EPHA6: variants seen among roughly 807,000 people sequenced by gnomAD.
The protein encoded by EPHA6 is EPH receptor A6.
Under a neutral mutation model 112.0 loss-of-function variants are expected in EPHA6, and 50 were observed. The ratio of observed to expected loss-of-function variants is 0.45; its 90% CI spans 0.36 to 0.56. EPHA6 has a LOEUF of 0.56. Among genes scored for constraint, EPHA6 ranks in the 20% least tolerant of loss-of-function variants. The pLI, the probability that EPHA6 is intolerant of heterozygous loss-of-function variation, is 0.00. For missense variants in EPHA6, 1,280 were observed against 1,417.4 expected, an observed-to-expected ratio of 0.90 and a Z score of 1.56; for synonymous variants, 529 against 490.7, an observed-to-expected ratio of 1.08 and a Z score of -1.03.
intron 5 of EPHA6, among the ~76,000 whole-genome samples, chr3:97,377,311 T>A (rs1377721881): frequency 6.6e-6 from 1 of 152,170 alleles, no homozygotes. Flanking sequence ...CACCACCATA[T>A]AAGAAGTGCC....
intron 3 of EPHA6, among the ~76,000 whole-genome samples, chr3:97,214,256 C>T (rs1389414619): frequency 1.3e-5 from 2 of 152,012 alleles, no homozygotes; most frequent in Admixed American, 6.6e-5. Flanking sequence ...CCAGGCTGGT[C>T]TCAAACTCCA....
At chr3:97,569,643 A>G (rs2093311294) in intron 11 of EPHA6, among the ~76,000 whole-genome samples, 1 of 152,244 alleles carries the variant, frequency 6.6e-6, no homozygotes, top group African/African-American at 2.4e-5. Context: ...TGTAATTACT[A>G]TATACATTTT....
At chr3:97,541,727 GTTTTTT>G (rs59024112) in intron 11 of EPHA6, among the ~76,000 whole-genome samples, 2 of 131,922 alleles carry the variant, frequency 1.5e-5, no homozygotes, top group African/African-American at 5.2e-5. Context: ...TCTTTTTTTT[GTTTTTT>G]TTTTTTTGTT....
intron 6 of EPHA6, among the ~76,000 whole-genome samples, chr3:97,411,038 G>C (rs754358965): frequency 6.6e-6 from 1 of 151,524 alleles, no homozygotes; most frequent in Admixed American, 6.6e-5. Flanking sequence ...GTTTACAGTG[G>C]AATCAGCAAG....
intron 3 of EPHA6, among the ~76,000 whole-genome samples, chr3:97,143,577 T>A (rs986755411): frequency 2.6e-5 from 4 of 151,778 alleles, no homozygotes; most frequent in African/African-American, 7.2e-5. Flanking sequence ...GTGTTATGAA[T>A]GCTTATACAA....
At chr3:96,831,422 C>T (rs2034071708) in intron 1 of EPHA6, among the ~76,000 whole-genome samples, 1 of 151,998 alleles carries the variant, frequency 6.6e-6, no homozygotes, top group Non-Finnish European at 1.5e-5. Flanking sequence ...CCTGTCAAGT[C>T]TTAGTGTCTG....
At chr3:97,420,698 C>T (rs1469381097) in intron 6 of EPHA6, among the ~76,000 whole-genome samples, 1 of 151,900 alleles carries the variant, frequency 6.6e-6, no homozygotes, top group Non-Finnish European at 1.5e-5. Context: ...GAAGTGTGTT[C>T]CATAAGGCCA....
rs1440643040 is a variant in EPHA6, at chr3:97,749,812, GT to G, written c.*1115del. 6.6e-6 allele frequency among the ~76,000 whole-genome samples: 1 copy of G among 152,078 alleles called. No individual in the cohort carries two copies. The highest frequency in any genetic ancestry group is 1.9e-4 in the East Asian group (1 of 5,198). Reference sequence around the variant, plus strand: ...ATTTTGCAAGTTGAAGCGTTCTTATGTTTTCTTTGCAAAAATAGTTACATGA... The same window carrying G: ...ATTTTGCAAGTTGAAGCGTTCTTATGTTTCTTTGCAAAAATAGTTACATGA... On this transcript the variant is annotated 3_prime_UTR_variant, in exon 18 of 18. Coordinates refer to ENST00000389672, the MANE Select transcript of EPHA6 (RefSeq NM_001080448.3).
intron 7 of EPHA6, among the ~76,000 whole-genome samples, chr3:97,463,386 G>A (rs780881467): frequency 2.6e-5 from 4 of 152,082 alleles, no homozygotes; most frequent in Non-Finnish European, 5.9e-5. Flanking sequence ...AAGAGCATTT[G>A]AGGCAGTTTA....
intron 5 of EPHA6, among the ~76,000 whole-genome samples, chr3:97,337,400 C>T (rs1326989471): frequency 6.6e-6 from 1 of 152,140 alleles, no homozygotes; most frequent in Non-Finnish European, 1.5e-5. Context: ...TGGCCTGACC[C>T]ATTTACTAAG....
intron 14 of EPHA6, among the ~76,000 whole-genome samples, chr3:97,648,979 T>C (rs1190448850): frequency 1.3e-5 from 2 of 152,110 alleles, no homozygotes; most frequent in African/African-American, 2.4e-5. Context: ...TTACTTACAC[T>C]CAATTTTTCT....
In EPHA6 at chr3:96,931,018, A is replaced by AAAAAAAAAAAAAAG. The variant is rs796531853; in HGVS notation, c.451-56309_451-56308insAAAAAAAAAAGAAA. Among the ~76,000 whole-genome samples, 107 of 84,580 alleles carry AAAAAAAAAAAAAAG rather than the reference A, an allele frequency of 1.3e-3. 22 individuals carry two copies. The highest frequency in any genetic ancestry group is 3.0e-3 in the African/African-American group (72 of 23,678). The allele number at this position is 84,580 out of a possible 152,430, so 55.5% of individuals were successfully genotyped here. Reference sequence around the variant, plus strand: ...AAAAAAAAAAAAAAAAAAAAAAAAAAAAAGAAAAGCTTTCTGGCTGCTTTT... The same window carrying AAAAAAAAAAAAAAG: ...AAAAAAAAAAAAAAAAAAAAAAAAAAAAAAAAAAAAAAAGAAAGAAAAGCTTTCTGGCTGCTTTT... On this transcript the variant is annotated intron_variant, in intron 2 of 17. Transcript: ENST00000389672.
chr3:97,759,873 T>C lies in EPHA6; in HGVS notation c.*11172T>C, dbSNP rs1411499634. ...TACTAAATATTTTTGAGACATCTTA[T>C]TGGAAGACCCGAAACTTTGAATTCT... On this transcript the variant is annotated 3_prime_UTR_variant, in exon 18 of 18. Coordinates refer to ENST00000389672, the MANE Select transcript of EPHA6 (RefSeq NM_001080448.3). 4 of 206,028 alleles carry C rather than the reference T, an allele frequency of 1.9e-5. No homozygotes were observed. The highest frequency in any genetic ancestry group is 9.1e-5 in the African/African-American group (4 of 43,884). The allele number at this position is 206,028 out of a possible 1,614,324, so 12.8% of individuals were successfully genotyped here.
intron 5 of EPHA6, among the ~76,000 whole-genome samples, chr3:97,335,400 C>T (rs547021022): frequency 6.6e-6 from 1 of 152,258 alleles, no homozygotes; most frequent in South Asian, 2.1e-4. Context: ...ATAAATTAGA[C>T]AGTCTCAGGC....
At chr3:96,815,155 C>T in intron 1 of EPHA6, 147 bp downstream of exon 1, 1 of 731,032 alleles carries the variant, frequency 1.4e-6, no homozygotes, top group South Asian at 2.6e-5. Flanking sequence ...TGTCCCCTTA[C>T]CCTAGCGCCC....
chr3:96,949,414 AC>A (rs1240721953), intron 2 of EPHA6, among the ~76,000 whole-genome samples: 1 of 152,084 alleles, frequency 6.6e-6, no homozygotes, highest in Non-Finnish European at 1.5e-5. Context: ...ATGTTACCTA[AC>A]CACTCTATGC....
intron 3 of EPHA6, among the ~76,000 whole-genome samples, chr3:97,142,457 A>T (rs1339827447): frequency 1.3e-5 from 2 of 151,936 alleles, no homozygotes; most frequent in African/African-American, 4.8e-5. Flanking sequence ...AATAAGAGAG[A>T]TTTAAATAAG....
chr3:97,310,686 A>T (rs1234620840), intron 5 of EPHA6, among the ~76,000 whole-genome samples: 1 of 151,646 alleles, frequency 6.6e-6, no homozygotes, highest in African/African-American at 2.4e-5. Flanking sequence ...AGTCCTCAAC[A>T]AGTGCTGATC....
At chr3:97,153,817 C>T (rs1450643158) in intron 3 of EPHA6, among the ~76,000 whole-genome samples, 2 of 152,020 alleles carry the variant, frequency 1.3e-5, no homozygotes, top group East Asian at 3.9e-4. Context: ...ACTCCTGGCC[C>T]CATCAGAAAT....
Sources: allele counts gnomAD v4.1 joint callset (sites outside exome capture counted in the v4.1 genomes callset), GRCh38; gene constraint gnomAD v4.1.1; transcripts MANE v1.5; gene names NCBI Gene and HGNC (gene_info 2026-07-23, HGNC 2026-07-21).